The following MSN variants were observed in gnomAD, a reference collection of about 807,000 sequenced individuals.
MSN encodes the protein epididymis luminal protein 70.
MSN carries 2 observed loss-of-function variants against 48.0 expected under a neutral mutation model. The ratio of observed to expected loss-of-function variants is 0.04; its 90% CI spans 0.02 to 0.13. MSN has a LOEUF of 0.13. MSN is among the 10% of genes least tolerant of loss of function. The probability of loss-of-function intolerance (pLI) is 1.00; values close to 1 mark genes in which losing one functional copy is unlikely to be tolerated. For missense variants in MSN, 267 were observed against 470.1 expected, an observed-to-expected ratio of 0.57 and a Z score of 3.99; for synonymous variants, 146 against 166.9, an observed-to-expected ratio of 0.87 and a Z score of 0.97.
At chrX:65,671,478 A>T (rs947680619) in intron 1 of MSN, among the ~76,000 whole-genome samples, 1 of 111,857 alleles carries the variant, frequency 8.9e-6, no homozygotes, top group Non-Finnish European at 1.9e-5. Flanking sequence ...CATTCCTAGC[A>T]TTACTTGAGC....
intron 1 of MSN, among the ~76,000 whole-genome samples, chrX:65,612,964 G>T (rs1384387597): frequency 9.1e-6 from 1 of 109,682 alleles, no homozygotes; most frequent in Non-Finnish European, 1.9e-5. Flanking sequence ...CATATGCCAT[G>T]GTGGTTTGCT....
intron 1 of MSN, among the ~76,000 whole-genome samples, chrX:65,702,110 T>G (rs1360989673): frequency 2.8e-5 from 3 of 106,960 alleles, no homozygotes; most frequent in African/African-American, 1.0e-4. Context: ...CCTCCCGGGT[T>G]CAAGCGATTC....
chrX:65,589,969 G>A lies in MSN; in HGVS notation c.-22+1357G>A, dbSNP rs895693422. On this transcript the variant is annotated intron_variant, in intron 1 of 3. Transcript: ENST00000609672. Reference sequence around the variant, plus strand: ...CAACCTCTGCCTCCTGGGTTCAAGCGATTCTCCTGCCTCAGCCTCCCAAGT... The same window carrying A: ...CAACCTCTGCCTCCTGGGTTCAAGCAATTCTCCTGCCTCAGCCTCCCAAGT... 1.1e-4 allele frequency among the ~76,000 whole-genome samples: 12 copies of A among 109,383 alleles called. No homozygotes were observed. In the East Asian group the frequency reaches 1.1e-3, roughly 10 times the overall value. 95.0% of individuals were successfully genotyped at this position (109,383 alleles called of 115,157 possible). A position where few individuals can be genotyped will look rare whatever the true frequency, so the allele number is the denominator to read the frequency against.
At chrX:65,697,880 T>A (rs2071261150) in intron 1 of MSN, among the ~76,000 whole-genome samples, 1 of 112,177 alleles carries the variant, frequency 8.9e-6, no homozygotes, top group Admixed American at 9.4e-5. Context: ...AATTTAGAAG[T>A]TGCTCCTAGT....
intron 1 of MSN, among the ~76,000 whole-genome samples, chrX:65,691,391 C>T (rs1455959384): frequency 8.9e-6 from 1 of 112,303 alleles, no homozygotes; most frequent in African/African-American, 3.2e-5. Flanking sequence ...GCTGCATCCA[C>T]AGTTGGCTGT....
chrX:65,675,993 G>A lies in MSN; in HGVS notation c.12+8140G>A, dbSNP rs994133271. Among the ~76,000 whole-genome samples, 3 of 112,712 alleles carry A rather than the reference G, an allele frequency of 2.7e-5. No individual in the cohort carries two copies. The Admixed American group carries it at 2.8e-4, about 11-fold the overall frequency. On this transcript the variant is annotated intron_variant, in intron 1 of 12. Transcript: ENST00000360270. ...TTGTTGCCTAAGTAGGTATGTGAGA[G>A]GGTCTTTTCTTCATGCTTACACATG...
At chrX:65,665,736 T>A (rs7050457), upstream of MSN, among the ~76,000 whole-genome samples, 19,321 of 111,049 alleles carry the variant, frequency 0.17, 4,126 homozygotes, top group African/African-American at 0.6. Context: ...CGGAGTCCAG[T>A]CCTTTCTTGC....
chrX:65,703,343 G>A (rs928048321), intron 1 of MSN, among the ~76,000 whole-genome samples: 3 of 110,726 alleles, frequency 2.7e-5, no homozygotes, highest in Non-Finnish European at 5.7e-5. Flanking sequence ...TACTGAGGTC[G>A]ATATTATTAG....
chrX:65,675,915 G>C (rs1471723976), intron 1 of MSN, among the ~76,000 whole-genome samples: 1 of 112,537 alleles, frequency 8.9e-6, no homozygotes, highest in African/African-American at 3.2e-5. Flanking sequence ...TGGGATTACA[G>C]GTGTGAGCCA....
intron 1 of MSN, among the ~76,000 whole-genome samples, chrX:65,641,770 T>C (rs2070656108): frequency 9.5e-6 from 1 of 105,387 alleles, no homozygotes; most frequent in African/African-American, 3.4e-5. Context: ...GGAATAAATA[T>C]AGCTAAGCGT....
intron 4 of MSN, among the ~76,000 whole-genome samples, chrX:65,730,497 A>G (rs1024213864): frequency 1.8e-5 from 2 of 111,271 alleles, no homozygotes; most frequent in Non-Finnish European, 3.8e-5. Context: ...CAACACACCC[A>G]TAAGATATTA....
At chrX:65,599,594 T>G (rs1321434131) in intron 1 of MSN, among the ~76,000 whole-genome samples, 1 of 112,721 alleles carries the variant, frequency 8.9e-6, no homozygotes, top group African/African-American at 3.2e-5. Flanking sequence ...GATAGCGCCA[T>G]GACACTCCAT....
chrX:65,662,593 A>G (rs1477126838), intron 1 of MSN, among the ~76,000 whole-genome samples: 1 of 112,576 alleles, frequency 8.9e-6, no homozygotes, highest in South Asian at 3.6e-4. Flanking sequence ...TATGCAGAAG[A>G]ATGAAACTAG....
In MSN at chrX:65,729,675, T is replaced by C. The variant is rs199526068; in HGVS notation, c.430T>C (p.Ser144Pro). 5.8e-6 allele frequency: 7 copies of C among 1,209,753 alleles called. No individual in the cohort carries two copies. The highest frequency in any genetic ancestry group is 5.2e-5 in the African/African-American group (3 of 57,291). The change falls in exon 4 of 13, where the codon TCT becomes CCT. Residue 144 changes from serine to proline, a missense_variant. Physicochemically the swap from Ser to Pro is moderately conservative, Grantham distance 74. This residue lies in a region of MSN where 89 missense variants were observed against 151.0 expected (regional missense o/e 0.59). Coordinates refer to ENST00000360270, the MANE Select transcript of MSN (RefSeq NM_002444.3). ...CGACTTCAATAAGGAAGTGCATAAG[T>C]CTGGCTACCTGGCCGGAGACAAGTT... Reference protein sequence around the residue: ...YGDFNKEVHKSGYLAGDKLLP... With the variant: ...YGDFNKEVHKPGYLAGDKLLP...
intron 1 of MSN, among the ~76,000 whole-genome samples, chrX:65,621,013 C>T (rs1383960740): frequency 1.9e-5 from 2 of 107,903 alleles, no homozygotes; most frequent in African/African-American, 6.8e-5. Flanking sequence ...GCAACCTCCA[C>T]CTCCCAGGTT....
Position 65,631,746 on chromosome X carries a change from C to T in MSN, c.-22+43134C>T, listed in dbSNP as rs565753158. On this transcript the variant is annotated intron_variant, in intron 1 of 3. Transcript: ENST00000609672. ...CTGGAGTGCAGTCGCATGATCATGG[C>T]GCACTGCAGCCTCAACCTTCTGGGC... Among the ~76,000 whole-genome samples the T allele has an allele frequency of 1.8e-3, 196 of 111,892 alleles. 5 individuals carry two copies. The South Asian group carries it at 0.068, about 39-fold the overall frequency.
intron 1 of MSN, among the ~76,000 whole-genome samples, chrX:65,639,346 T>C (rs1036069323): frequency 9.0e-6 from 1 of 111,640 alleles, no homozygotes; most frequent in African/African-American, 3.3e-5. Context: ...GGTTTCACCA[T>C]GTTGCCCAGG....
intron 1 of MSN, among the ~76,000 whole-genome samples, chrX:65,700,289 G>A (rs1033666288): frequency 9.0e-6 from 1 of 111,713 alleles, no homozygotes; most frequent in Non-Finnish European, 1.9e-5. Flanking sequence ...AGAGGTCTAG[G>A]GACTTGTAAT....
intron 1 of MSN, among the ~76,000 whole-genome samples, chrX:65,678,542 C>G (rs891162580): frequency 2.7e-5 from 3 of 111,258 alleles, no homozygotes; most frequent in African/African-American, 9.8e-5. Context: ...GTAAAGCCTT[C>G]CAGTTGGTAA....
Sources: gnomAD v4.1 joint callset for allele counts (sites outside exome capture counted in the v4.1 genomes callset) on GRCh38, gnomAD v4.1.1 for gene constraint, gnomAD v4.1.1 regional missense constraint, MANE v1.5 for transcripts, NCBI Gene and HGNC (gene_info 2026-07-23, HGNC 2026-07-21) for gene names.